The following PHLPP1 variants were observed in gnomAD, a reference collection of about 807,000 sequenced individuals.
The protein encoded by PHLPP1 is PH domain leucine-rich repeat-containing protein phosphatase 1.
A neutral mutation model predicts 117.2 loss-of-function variants in PHLPP1; 42 were observed. That is an observed-to-expected ratio of 0.36 (90% CI 0.28 to 0.46). The LOEUF is 0.46. Among genes scored for constraint, PHLPP1 ranks in the 20% least tolerant of loss-of-function variants. The pLI, the probability that PHLPP1 is intolerant of heterozygous loss-of-function variation, is 1.00. For missense variants in PHLPP1, 2,084 were observed against 2,241.9 expected (o/e 0.93, Z 1.42); for synonymous variants, 1,042 against 970.7 (o/e 1.07, Z -1.37).
At chr18:62,821,567 A>AG (rs1172139416) in intron 1 of PHLPP1, among the ~76,000 whole-genome samples, 4 of 149,586 alleles carry the variant, frequency 2.7e-5, no homozygotes, top group East Asian at 3.9e-4. Context: ...AAAAAAAAAA[A>AG]AAAAGAAAAG....
At chr18:62,923,640 C>A (rs1909540826) in intron 10 of PHLPP1, among the ~76,000 whole-genome samples, 1 of 152,028 alleles carries the variant, frequency 6.6e-6, no homozygotes, top group South Asian at 2.1e-4. Context: ...AATACTTAGC[C>A]TCTTTGCACA....
intron 12 of PHLPP1, among the ~76,000 whole-genome samples, chr18:62,945,559 A>G (rs2144458854): frequency 6.6e-6 from 1 of 152,260 alleles, no homozygotes; most frequent in East Asian, 1.9e-4. Flanking sequence ...ATACTTCTTT[A>G]TCTGTTAATA....
At chr18:62,765,720 G>A (rs1227649447) in intron 1 of PHLPP1, among the ~76,000 whole-genome samples, 8 of 152,146 alleles carry the variant, frequency 5.3e-5, no homozygotes, top group African/African-American at 1.9e-4. Flanking sequence ...AAGGGGCCGG[G>A]CGCAGTGGCT....
intron 4 of PHLPP1, among the ~76,000 whole-genome samples, chr18:62,893,532 C>A (rs1362485108): frequency 6.6e-6 from 1 of 152,194 alleles, no homozygotes; most frequent in Non-Finnish European, 1.5e-5. Flanking sequence ...CTCAACCTGT[C>A]AAATAGGTAC....
intron 10 of PHLPP1, among the ~76,000 whole-genome samples, 163 bp downstream of exon 10, chr18:62,920,277 C>T (rs1599121270): frequency 1.3e-5 from 2 of 152,140 alleles, no homozygotes; most frequent in African/African-American, 2.4e-5. Flanking sequence ...ATTTTGTAGG[C>T]GATGGAGTCA....
intron 1 of PHLPP1, among the ~76,000 whole-genome samples, chr18:62,781,948 T>C (rs895147645): frequency 6.6e-6 from 1 of 152,200 alleles, no homozygotes; most frequent in Admixed American, 6.5e-5. Flanking sequence ...TGTAAGAAAG[T>C]GCCAGTTGCC....
intron 1 of PHLPP1, among the ~76,000 whole-genome samples, chr18:62,778,255 G>C (rs1359596203): frequency 1.3e-5 from 2 of 152,130 alleles, no homozygotes; most frequent in Non-Finnish European, 2.9e-5. Context: ...GAATAGTTGA[G>C]GAACCTTGGC....
chr18:62,876,250 A>G (rs1390240713), intron 4 of PHLPP1, among the ~76,000 whole-genome samples: 1 of 152,142 alleles, frequency 6.6e-6, no homozygotes, highest in Non-Finnish European at 1.5e-5. Flanking sequence ...TTATTTTACC[A>G]TTCTCTAAAC....
At chr18:62,905,315 G>A (rs1916819888) in intron 8 of PHLPP1, 31 bp downstream of exon 8, 1 of 1,217,144 alleles carries the variant, frequency 8.2e-7, no homozygotes. Context: ...GCCCTCTAGA[G>A]TCTACTAGAA....
chr18:62,793,762 C>T (rs6567295), intron 1 of PHLPP1, among the ~76,000 whole-genome samples: 31,991 of 152,076 alleles, frequency 0.21, 4,962 homozygotes, highest in African/African-American at 0.44. Flanking sequence ...CAAACACAGG[C>T]CTGTCTGACT....
At chr18:62,725,912 A>G (rs1911055748) in intron 1 of PHLPP1, among the ~76,000 whole-genome samples, 1 of 152,214 alleles carries the variant, frequency 6.6e-6, no homozygotes, top group Admixed American at 6.5e-5. Flanking sequence ...AAGGGTAAAA[A>G]TATATTGCAT....
Position 62,737,166 on chromosome 18 carries a change from A to G in PHLPP1, c.1576+19907A>G, listed in dbSNP as rs191963739. 3.9e-5 allele frequency among the ~76,000 whole-genome samples: 6 copies of G among 152,276 alleles called. No homozygotes were observed. In the East Asian group the frequency reaches 1.2e-3, roughly 29 times the overall value. On this transcript the variant is annotated intron_variant, in intron 1 of 16. Transcript: ENST00000262719. Reference sequence around the variant, plus strand: ...GAATCCTCTGGAAAGGATTCCTGGGAAAGATTCTCTGAGAAAATGAGAGAC... The same window carrying G: ...GAATCCTCTGGAAAGGATTCCTGGGGAAGATTCTCTGAGAAAATGAGAGAC...
intron 3 of PHLPP1, among the ~76,000 whole-genome samples, chr18:62,852,094 G>A (rs912893149): frequency 6.6e-6 from 1 of 150,734 alleles, no homozygotes; most frequent in Non-Finnish European, 1.5e-5. Flanking sequence ...TGTCTGGGCT[G>A]GCCTCAATCT....
At chr18:62,891,381 A>G (rs1351462076) in intron 4 of PHLPP1, among the ~76,000 whole-genome samples, 7 of 152,220 alleles carry the variant, frequency 4.6e-5, no homozygotes, top group Non-Finnish European at 4.4e-5. Flanking sequence ...TGAGGTCAGG[A>G]GTTCGAGACC....
intron 4 of PHLPP1, among the ~76,000 whole-genome samples, chr18:62,864,131 C>T (rs1379712744): frequency 6.6e-6 from 1 of 152,092 alleles, no homozygotes; most frequent in Non-Finnish European, 1.5e-5. Flanking sequence ...AAGCAATTCT[C>T]CTGCCTCAGC....
At chr18:62,777,663 AGTC>A (rs1404833341) in intron 1 of PHLPP1, among the ~76,000 whole-genome samples, 12 of 152,104 alleles carry the variant, frequency 7.9e-5, no homozygotes, top group Non-Finnish European at 7.4e-5. Flanking sequence ...TGTAGTTTTA[AGTC>A]TGTGATCCAT....
intron 1 of PHLPP1, among the ~76,000 whole-genome samples, chr18:62,811,988 A>G (rs1396757273): frequency 6.6e-6 from 1 of 152,192 alleles, no homozygotes; most frequent in Non-Finnish European, 1.5e-5. Context: ...TTTTGTTTAT[A>G]AAAGACTAAT....
chr18:62,766,076 A>AAAATATATATATATATATATATATATAT, intron 1 of PHLPP1, among the ~76,000 whole-genome samples: 1 of 21,652 alleles, frequency 4.6e-5, no homozygotes. Context: ...AAAAAAAAAA[A>AAAATATATATATATATATATATATATAT]ATATATATAT....
chr18:62,885,993 A>G (rs1162096825), intron 4 of PHLPP1, among the ~76,000 whole-genome samples: 4 of 152,188 alleles, frequency 2.6e-5, no homozygotes, highest in Admixed American at 6.5e-5. Context: ...TGTCTCTGCC[A>G]TTTATTAGTC....
Sources: allele counts gnomAD v4.1 joint callset (sites outside exome capture counted in the v4.1 genomes callset), GRCh38; gene constraint gnomAD v4.1.1; transcripts MANE v1.5; gene names NCBI Gene and HGNC (gene_info 2026-07-23, HGNC 2026-07-21).